The following DGKA variants were observed in gnomAD, a reference collection of about 807,000 sequenced individuals.
The protein encoded by DGKA is 80 kDa diacylglycerol kinase.
Under a neutral mutation model 105.0 loss-of-function variants are expected in DGKA, and 35 were observed. The observed-to-expected ratio is 0.33, with a 90% CI of 0.25 to 0.44. The LOEUF (loss-of-function observed/expected upper bound fraction) is 0.44. Ranked by LOEUF, DGKA falls within the 20% of genes least tolerant of loss-of-function variation. DGKA has a pLI of 1.00. For synonymous variants in DGKA, 296 were observed against 332.0 expected, an observed-to-expected ratio of 0.89 and a Z score of 1.18; for missense variants, 665 against 915.0, an observed-to-expected ratio of 0.73 and a Z score of 3.53.
At chr12:55,941,940 A>G (rs1432449265) in intron 15 of DGKA, 58 bp from the exon 16 acceptor site, 2 of 1,573,428 alleles carry the variant, frequency 1.3e-6, no homozygotes, top group Non-Finnish European at 1.7e-6. Flanking sequence ...CCTGCTCAGG[A>G]CTTGGGTAGC....
intron 17 of DGKA, among the ~76,000 whole-genome samples, chr12:55,947,373 A>C (rs1010737303): frequency 1.3e-5 from 2 of 152,154 alleles, no homozygotes; most frequent in Non-Finnish European, 2.9e-5. Context: ...TTTCATATAC[A>C]TGTGCCAAGA....
chr12:55,947,565 C>G (rs1887293294), intron 17 of DGKA, among the ~76,000 whole-genome samples: 1 of 152,050 alleles, frequency 6.6e-6, no homozygotes, highest in Non-Finnish European at 1.5e-5. Context: ...TCAGGTTTGC[C>G]TCATCCATTT....
chr12:55,927,704 A>G, upstream of DGKA: 1 of 1,539,358 alleles, frequency 6.5e-7, no homozygotes, highest in South Asian at 1.2e-5. Flanking sequence ...TGCAAGGCGG[A>G]GGGCGCCGCG....
At chr12:55,937,197 A>G in intron 3 of DGKA, 107 bp downstream of exon 3, 1 of 1,312,450 alleles carries the variant, frequency 7.6e-7, no homozygotes, top group Non-Finnish European at 1.1e-6. Context: ...TATCCCCTCT[A>G]GAGATACCCT....
chr12:55,937,012 C>G lies in DGKA; in HGVS notation c.65-5C>G. 1.2e-6 allele frequency: 2 copies of G among 1,613,772 alleles called. No homozygotes were observed. The highest frequency in any genetic ancestry group is 1.7e-6 in the Non-Finnish European group (2 of 1,179,736). ...TGCTGTTCTCTTACTCTCTCTACAC[C>G]CTAGACTCCACCAAAAAGGTCAGTG... On this transcript the variant is annotated splice_polypyrimidine_tract_variant and splice_region_variant and intron_variant, in intron 2 of 23. Coordinates refer to ENST00000331886, the MANE Select transcript of DGKA (RefSeq NM_001345.5).
Position 55,932,694 on chromosome 12 carries a change from C to T in DGKA, c.-82+1350C>T, listed in dbSNP as rs1028588120. On this transcript the variant is annotated intron_variant, in intron 1 of 23. Coordinates refer to ENST00000331886, the MANE Select transcript of DGKA (RefSeq NM_001345.5). This position sits in a 1 kb window ranked among gnomAD's most constrained non-coding sequence, Gnocchi z 4.3. Reference sequence around the variant, plus strand: ...CTATACTACGCAATGACACCCTCTACACACACACACACACGCACACACACA... The same window carrying T: ...CTATACTACGCAATGACACCCTCTATACACACACACACACGCACACACACA... 17 of 397,680 alleles carry T rather than the reference C, an allele frequency of 4.3e-5. No individual in the cohort carries two copies. The Admixed American group carries it at 4.9e-4, about 12-fold the overall frequency. The allele number at this position is 397,680 out of a possible 1,614,324, so 24.6% of individuals were successfully genotyped here. A position where few individuals can be genotyped will look rare whatever the true frequency, so the allele number is the denominator to read the frequency against.
chr12:55,944,116 T>G (rs1473703171), intron 17 of DGKA, among the ~76,000 whole-genome samples: 2 of 152,310 alleles, frequency 1.3e-5, no homozygotes, highest in East Asian at 1.9e-4. Flanking sequence ...GACAACAAAG[T>G]GAGACCAAGT....
Position 55,937,496 on chromosome 12 carries a change from A to C in DGKA, c.227A>C (p.Gln76Pro). ...VPRHLSLALF[Q>P]SFETGHCLNE... ...AGACACCTAAGCCTGGCACTGTTTCAATCCTTTGAGACTGGTCACTGCTTA... is the reference window on the plus strand; with the variant it reads ...AGACACCTAAGCCTGGCACTGTTTCCATCCTTTGAGACTGGTCACTGCTTA... The change falls in exon 4 of 24, where the codon CAA becomes CCA. Residue 76 changes from glutamine (Q) to proline (P), a missense_variant. By Grantham distance (76) the Gln-to-Pro change is moderately conservative. Coordinates refer to ENST00000331886, the MANE Select transcript of DGKA (RefSeq NM_001345.5). 6.2e-7 allele frequency: 1 copy of C among 1,614,206 alleles called. No homozygotes were observed. Among genetic ancestry groups the C allele is most frequent in the Non-Finnish European group, 8.5e-7 (1 of 1,180,046 alleles).
intron 17 of DGKA, among the ~76,000 whole-genome samples, chr12:55,949,672 G>A (rs1887749935): frequency 6.6e-6 from 1 of 152,124 alleles, no homozygotes; most frequent in African/African-American, 2.4e-5. Flanking sequence ...AACCTGATAT[G>A]CAACAAAAGT....
intron 9 of DGKA, 141 bp downstream of exon 9, chr12:55,939,670 A>G (rs770541999): frequency 2.7e-6 from 2 of 751,722 alleles, no homozygotes; most frequent in South Asian, 3.6e-5. Flanking sequence ...GGAAAGCCAC[A>G]TCACTTCTTT....
rs769524083 is a variant in DGKA at position 55,939,456 on chromosome 12, G to A, written c.636G>A (p.Arg212=). The A allele has an allele frequency of 1.2e-6, 2 of 1,614,202 alleles. No individual in the cohort carries two copies. The highest frequency in any genetic ancestry group is 2.2e-5 in the East Asian group (1 of 44,888). The stretch of plus-strand genomic sequence containing the variant: ...GACAGCACATGTGGAGGCCCAAGAG[G>A]TTCCCCAGACCAGTCTACTGCAATC... ...DDGQHMWRPK[R]FPRPVYCNLC... Residue 212 remains arginine (R), a synonymous_variant, in exon 9 of 24, where the codon AGG becomes AGA. Transcript: ENST00000331886.
At position 55,953,814 on chromosome 12, in the gene DGKA, G is replaced by A; in HGVS notation, c.*46G>A. 4.5e-6 allele frequency: 7 copies of A among 1,544,166 alleles called. No homozygotes were observed. The highest frequency in any genetic ancestry group is 6.3e-6 in the Non-Finnish European group (7 of 1,117,220). Reference sequence around the variant, plus strand: ...AAGCCAGCCTTGAACCCACCTCCCTGTCCCTGGACTCTACTCCCGAGGCTC... The same window carrying A: ...AAGCCAGCCTTGAACCCACCTCCCTATCCCTGGACTCTACTCCCGAGGCTC... On this transcript the variant is annotated 3_prime_UTR_variant, in exon 24 of 24. Transcript: ENST00000331886.
At chr12:55,945,793 A>AT (rs34210000) in intron 17 of DGKA, among the ~76,000 whole-genome samples, 10,730 of 140,506 alleles carry the variant, frequency 0.076, 1,105 homozygotes, top group African/African-American at 0.24. Flanking sequence ...CAAAATCCTC[A>AT]TTTTTTTTTT....
At chr12:55,939,893 C>A in intron 9 of DGKA, 189 bp from the exon 10 acceptor site, 1 of 616,056 alleles carries the variant, frequency 1.6e-6, no homozygotes, top group Non-Finnish European at 2.9e-6. Flanking sequence ...CATGCAGTAG[C>A]AGCTGATCTT....
rs928506409 is a variant in DGKA at position 55,942,558 on chromosome 12, A to G, written c.1426+295A>G. On this transcript the variant is annotated intron_variant, in intron 17 of 23. Transcript: ENST00000331886. The stretch of plus-strand genomic sequence containing the variant: ...ATCAAGGAATATGGGGGTGGGGAAC[A>G]ATGTGTGAATAAGGAAGGTTGTATA... 3 of 381,122 alleles carry G rather than the reference A, an allele frequency of 7.9e-6. No homozygotes were observed. In the Admixed American group the frequency reaches 1.1e-4, roughly 14 times the overall value. 23.6% of individuals were successfully genotyped at this position (381,122 alleles called of 1,614,324 possible). A position where few individuals can be genotyped will look rare whatever the true frequency, so the allele number is the denominator to read the frequency against.
At chr12:55,941,969 C>G (rs1886103262) in intron 15 of DGKA, 29 bp from the exon 16 acceptor site, 1 of 1,611,650 alleles carries the variant, frequency 6.2e-7, no homozygotes, top group African/African-American at 1.3e-5. Flanking sequence ...TGTTATCCTT[C>G]TTCATATTCT....
chr12:55,949,374 T>C (rs1887692653), intron 17 of DGKA, among the ~76,000 whole-genome samples: 2 of 152,156 alleles, frequency 1.3e-5, no homozygotes. Flanking sequence ...AATTTTTGTA[T>C]TTTTAGCAGA....
chr12:55,939,047 AT>A (rs1885354597), intron 7 of DGKA, 58 bp downstream of exon 7: 8 of 1,611,750 alleles, frequency 5.0e-6, no homozygotes, highest in Non-Finnish European at 4.2e-6. Context: ...TGAGTCCTGC[AT>A]CTGCCTTACT....
rs1195664750 is a variant in DGKA, at chr12:55,953,347, T to C, written c.2064-3T>C. On this transcript the variant is annotated splice_region_variant and splice_polypyrimidine_tract_variant and intron_variant, in intron 22 of 23. Transcript: ENST00000331886. ...ATCACCAATGTTCCTTGGCCTCCTATAGCACCACAAAAACCCTTCCCATGC... is the reference window on the plus strand; with the variant it reads ...ATCACCAATGTTCCTTGGCCTCCTACAGCACCACAAAAACCCTTCCCATGC... 1 of 1,614,040 alleles carries C rather than the reference T, an allele frequency of 6.2e-7. No individual in the cohort carries two copies. Among genetic ancestry groups the C allele is most frequent in the Non-Finnish European group, 8.5e-7 (1 of 1,179,972 alleles).
Sources: allele counts gnomAD v4.1 joint callset (sites outside exome capture counted in the v4.1 genomes callset), GRCh38; gene constraint gnomAD v4.1.1; non-coding constraint Gnocchi (gnomAD v3.1); transcripts MANE v1.5; gene names NCBI Gene and HGNC (gene_info 2026-07-23, HGNC 2026-07-21).